Variants in STOX1 observed in about 807,000 individuals in gnomAD.
STOX1 encodes the protein storkhead-box protein 1.
In STOX1, 57 loss-of-function variants were observed where a neutral mutation model predicts 74.8. The ratio of observed to expected loss-of-function variants is 0.76; its 90% confidence interval spans 0.62 to 0.95. The LOEUF (loss-of-function observed/expected upper bound fraction) is 0.95. Ranked by LOEUF, STOX1 falls within the 40% of genes least tolerant of loss-of-function variation. The probability of loss-of-function intolerance (pLI) is 0.00; values close to 1 mark genes in which losing one functional copy is unlikely to be tolerated. For missense variants in STOX1, 1,010 were observed against 1,117.0 expected, an observed-to-expected ratio of 0.90 and a Z score of 1.37; for synonymous variants, 375 against 401.3, an observed-to-expected ratio of 0.93 and a Z score of 0.78.
At position 68,892,664 on chromosome 10, in the gene STOX1, C is replaced by G. The variant is rs375370325; in HGVS notation, c.2898C>G (p.Val966=). ...GAAGACAGAATTTTCTGCAAAATGT[C>G]GAAGGCACAAAGAGCAGTCAACCAC... is the stretch of plus-strand genomic sequence containing the variant. ...LKRRQNFLQN[V]EGTKSSQPLT... Residue 966 remains valine (V), a synonymous_variant, in exon 4 of 4, where the codon GTC becomes GTG. Transcript: ENST00000298596. 3 of 1,613,804 alleles carry G rather than the reference C, an allele frequency of 1.9e-6. No individual in the cohort carries two copies. The highest frequency in any genetic ancestry group is 2.5e-6 in the Non-Finnish European group (3 of 1,179,800).
chr10:68,849,795 A>C (rs1195396841), intron 1 of STOX1, among the ~76,000 whole-genome samples: 1 of 152,150 alleles, frequency 6.6e-6, no homozygotes, highest in Non-Finnish European at 1.5e-5. Context: ...CAGGTTGAAA[A>C]ATTACCTGCA....
chr10:68,859,115 T>A (rs1840198116), intron 1 of STOX1, among the ~76,000 whole-genome samples: 1 of 152,088 alleles, frequency 6.6e-6, no homozygotes, highest in Admixed American at 6.6e-5. Flanking sequence ...TTCTGAAATA[T>A]ACATGATGTT....
At chr10:68,851,865 G>C (rs950367532) in intron 1 of STOX1, among the ~76,000 whole-genome samples, 1 of 151,996 alleles carries the variant, frequency 6.6e-6, no homozygotes, top group Non-Finnish European at 1.5e-5. Context: ...CGGGCGTGTT[G>C]GCTCACGCCT....
At chr10:68,865,848 A>G (rs1044818471) in intron 1 of STOX1, among the ~76,000 whole-genome samples, 2 of 152,120 alleles carry the variant, frequency 1.3e-5, no homozygotes, top group African/African-American at 4.8e-5. Flanking sequence ...TCTTTGAGTA[A>G]TTCATTTAAA....
chr10:68,854,408 C>T (rs1589223824), intron 1 of STOX1, among the ~76,000 whole-genome samples: 1 of 151,890 alleles, frequency 6.6e-6, no homozygotes, highest in African/African-American at 2.4e-5. Context: ...GTGATCCTCC[C>T]ACCTCAGCCT....
intron 1 of STOX1, among the ~76,000 whole-genome samples, chr10:68,869,038 C>T (rs1228418100): frequency 6.6e-6 from 1 of 152,224 alleles, no homozygotes; most frequent in Non-Finnish European, 1.5e-5. Flanking sequence ...CTTTATTTAT[C>T]CCGTGCTGCC....
chr10:68,829,813 G>A (rs1165420269), intron 1 of STOX1, among the ~76,000 whole-genome samples: 1 of 152,102 alleles, frequency 6.6e-6, no homozygotes, highest in Non-Finnish European at 1.5e-5. Context: ...GAAGAAAATA[G>A]GTTTCTGGCT....
chr10:68,854,950 A>G (rs964790548), intron 1 of STOX1, among the ~76,000 whole-genome samples: 13 of 151,944 alleles, frequency 8.6e-5, no homozygotes, highest in South Asian at 4.2e-4. Flanking sequence ...AAAAAATTTT[A>G]AAATTAGCTA....
At chr10:68,869,276 C>T (rs1840480022) in intron 1 of STOX1, among the ~76,000 whole-genome samples, 1 of 152,156 alleles carries the variant, frequency 6.6e-6, no homozygotes, top group Admixed American at 6.6e-5. Flanking sequence ...ATCCTGTTTG[C>T]TCTTGTAACC....
chr10:68,836,099 T>C (rs1344459262), intron 1 of STOX1, among the ~76,000 whole-genome samples: 2 of 152,046 alleles, frequency 1.3e-5, no homozygotes, highest in East Asian at 3.9e-4. Flanking sequence ...CTCAGTCTCC[T>C]GACCTTGTGA....
At chr10:68,829,614 G>A (rs367649006) in intron 1 of STOX1, among the ~76,000 whole-genome samples, 1 of 152,102 alleles carries the variant, frequency 6.6e-6, no homozygotes, top group Non-Finnish European at 1.5e-5. Flanking sequence ...CTGACCCACC[G>A]ATAACTGTAT....
At chr10:68,859,845 A>G (rs1840216037) in intron 1 of STOX1, among the ~76,000 whole-genome samples, 1 of 151,998 alleles carries the variant, frequency 6.6e-6, no homozygotes, top group African/African-American at 2.4e-5. Context: ...TCTTCCTAGT[A>G]GATGATCTTT....
chr10:68,836,835 G>A (rs1460081708), intron 1 of STOX1, among the ~76,000 whole-genome samples: 4 of 152,178 alleles, frequency 2.6e-5, no homozygotes, highest in Admixed American at 6.6e-5. Flanking sequence ...AGGAGGCCTC[G>A]GGAAGAACAG....
chr10:68,883,758 C>CTTTTTTTTTTT (rs71028801), intron 2 of STOX1, among the ~76,000 whole-genome samples: 1 of 85,536 alleles, frequency 1.2e-5, no homozygotes, highest in Non-Finnish European at 2.2e-5. Flanking sequence ...GCTTCTTTGG[C>CTTTTTTTTTTT]TTTTTTTTTT....
chr10:68,851,357 G>A (rs1409861427), intron 1 of STOX1, among the ~76,000 whole-genome samples: 3 of 151,362 alleles, frequency 2.0e-5, no homozygotes, highest in Non-Finnish European at 4.4e-5. Flanking sequence ...GAAGTTGAGT[G>A]TTCTAAGAGT....
rs749577126 is a variant in STOX1, at chr10:68,884,997, A to G, written c.1201A>G (p.Thr401Ala). Residue 401 changes from threonine (T) to alanine (A), a missense_variant, in exon 3 of 4, where the codon ACA becomes GCA. Transcript: ENST00000298596. ...NSQGTSTDML[T>A]IGHKYPSKEG... ...CCAGGGCACTTCCACTGACATGCTG[A>G]CAATCGGGCATAAGTATCCTTCAAA... The G allele has an allele frequency of 8.7e-6, 14 of 1,614,094 alleles. No homozygotes were observed. Among genetic ancestry groups the G allele is most frequent in the Non-Finnish European group, 1.1e-5 (13 of 1,180,050 alleles).
chr10:68,834,141 T>G (rs1839481984), intron 1 of STOX1, among the ~76,000 whole-genome samples: 1 of 152,194 alleles, frequency 6.6e-6, no homozygotes, highest in African/African-American at 2.4e-5. Context: ...CCACATCTCC[T>G]CGTGCTCCTC....
intron 1 of STOX1, among the ~76,000 whole-genome samples, chr10:68,867,110 A>AT (rs769888334): frequency 5.3e-5 from 8 of 151,108 alleles, no homozygotes; most frequent in South Asian, 4.2e-4. Flanking sequence ...ACGCCCAGCT[A>AT]TTTTTTTTGT....
At chr10:68,838,597 C>A (rs1839616917) in intron 1 of STOX1, among the ~76,000 whole-genome samples, 1 of 151,968 alleles carries the variant, frequency 6.6e-6, no homozygotes, top group Admixed American at 6.6e-5. Context: ...CTGGGTAGGA[C>A]TTCCAGTAAT....
Sources: gnomAD v4.1 joint callset for allele counts (sites outside exome capture counted in the v4.1 genomes callset) on GRCh38, gnomAD v4.1.1 for gene constraint, MANE v1.5 for transcripts, NCBI Gene and HGNC (gene_info 2026-07-23, HGNC 2026-07-21) for gene names.